Variants in LRP1B observed in about 807,000 individuals in gnomAD.
LRP1B encodes LDL receptor related protein 1B.
In LRP1B, 217 loss-of-function variants were observed where a neutral mutation model predicts 556.6. That is an observed-to-expected ratio of 0.39 (90% CI 0.35 to 0.44). The LOEUF is 0.44. Among genes scored for constraint, LRP1B ranks in the 20% least tolerant of loss-of-function variants. The pLI is 1.00. For missense variants in LRP1B, 5,053 were observed against 5,620.8 expected, an observed-to-expected ratio of 0.90 and a Z score of 3.23; for synonymous variants, 2,047 against 1,865.8, an observed-to-expected ratio of 1.10 and a Z score of -2.50.
chr2:140,458,700 T>C (rs944684492), intron 60 of LRP1B, among the ~76,000 whole-genome samples: 3 of 152,116 alleles, frequency 2.0e-5, no homozygotes, highest in South Asian at 2.1e-4. Context: ...ATATTCCTCA[T>C]TCAGCAGTAA....
chr2:141,582,069 C>A (rs993645991), intron 2 of LRP1B, among the ~76,000 whole-genome samples: 5 of 152,158 alleles, frequency 3.3e-5, no homozygotes, highest in Non-Finnish European at 7.4e-5. Context: ...CTAAGGGAAT[C>A]TCTAAAAATT....
intron 7 of LRP1B, among the ~76,000 whole-genome samples, chr2:141,158,715 C>T (rs1019043036): frequency 6.6e-5 from 10 of 152,116 alleles, no homozygotes; most frequent in African/African-American, 9.7e-5. Context: ...TTTGCACAGT[C>T]GGAATCCTTC....
chr2:141,574,713 T>C (rs575543750), intron 2 of LRP1B, among the ~76,000 whole-genome samples: 36 of 152,136 alleles, frequency 2.4e-4, no homozygotes, highest in African/African-American at 8.4e-4. Flanking sequence ...AACCCCAACA[T>C]CTCAGCCTAA....
intron 18 of LRP1B, among the ~76,000 whole-genome samples, chr2:140,961,980 T>C (rs1409722246): frequency 2.6e-5 from 4 of 152,192 alleles, no homozygotes; most frequent in Non-Finnish European, 2.9e-5. Flanking sequence ...CTATCTACTA[T>C]TGTACTATTA....
At chr2:141,257,236 G>C (rs1346933313) in intron 3 of LRP1B, among the ~76,000 whole-genome samples, 1 of 152,146 alleles carries the variant, frequency 6.6e-6, no homozygotes, top group African/African-American at 2.4e-5. Flanking sequence ...GGAACAGAAA[G>C]AGGAAGCAGG....
In LRP1B at chr2:140,431,546, A is replaced by G. The variant is rs1014660381; in HGVS notation, c.10414+10958T>C. ...TTCTCCAAGCCATCACAGCTGATAT[A>G]TCGTGGTGCTATCCCCAAACTGCCA... On this transcript the variant is annotated intron_variant, in intron 66 of 90. Coordinates refer to ENST00000389484, the MANE Select transcript of LRP1B (RefSeq NM_018557.3). Among the ~76,000 whole-genome samples, 10 of 152,254 alleles carry G rather than the reference A, an allele frequency of 6.6e-5. No individual in the cohort carries two copies. The East Asian group carries it at 1.4e-3, about 21-fold the overall frequency.
chr2:140,565,156 C>A (rs191132653), intron 43 of LRP1B, among the ~76,000 whole-genome samples: 1 of 147,546 alleles, frequency 6.8e-6, no homozygotes, highest in African/African-American at 2.5e-5. Context: ...TTGTTTATTA[C>A]GTAATAATAT....
chr2:141,071,533 G>T (rs954814955), intron 7 of LRP1B, among the ~76,000 whole-genome samples: 4 of 152,126 alleles, frequency 2.6e-5, no homozygotes, highest in African/African-American at 9.7e-5. Context: ...GAAATAAAGG[G>T]TATTCAATTA....
At position 140,616,807 on chromosome 2, in the gene LRP1B, A is replaced by G. The variant is rs1017601484; in HGVS notation, c.6800-15168T>C. 3.9e-5 allele frequency among the ~76,000 whole-genome samples: 6 copies of G among 152,028 alleles called. No individual in the cohort carries two copies. The East Asian group carries it at 9.7e-4, about 24-fold the overall frequency. On this transcript the variant is annotated intron_variant, in intron 41 of 90. Transcript: ENST00000389484. ...TATCTTTAATAGTTTATGGAAAAAA[A>G]TCAATTCTTTTATCCTTTGTTTACA...
At chr2:140,509,322 A>T (rs999032218) in intron 52 of LRP1B, among the ~76,000 whole-genome samples, 13 of 152,100 alleles carry the variant, frequency 8.5e-5, no homozygotes, top group African/African-American at 3.1e-4. Context: ...AATTCATCTA[A>T]ATTTTTACTG....
At position 141,413,969 on chromosome 2, in the gene LRP1B, G is replaced by A. The variant is rs542916297; in HGVS notation, c.343+66427C>T. Among the ~76,000 whole-genome samples, 14 of 151,346 alleles carry A rather than the reference G, an allele frequency of 9.3e-5. No individual in the cohort carries two copies. In the South Asian group the frequency reaches 1.5e-3, roughly 16 times the overall value. On this transcript the variant is annotated intron_variant, in intron 3 of 90. Coordinates refer to ENST00000389484, the MANE Select transcript of LRP1B (RefSeq NM_018557.3). ...AAAGAGGCTGGGCGCAGTGGCTCACGCCTGTAATCCCAGCACTTTGGGAGG... is the reference window on the plus strand; with the variant it reads ...AAAGAGGCTGGGCGCAGTGGCTCACACCTGTAATCCCAGCACTTTGGGAGG...
intron 27 of LRP1B, among the ~76,000 whole-genome samples, chr2:140,862,818 A>G (rs1168941485): frequency 1.3e-5 from 2 of 152,200 alleles, no homozygotes; most frequent in Non-Finnish European, 2.9e-5. Context: ...TGCCCTTGCC[A>G]TTACAGGGAA....
chr2:140,958,921 G>T (rs577959775), intron 18 of LRP1B, among the ~76,000 whole-genome samples: 1 of 151,692 alleles, frequency 6.6e-6, no homozygotes, highest in Admixed American at 6.6e-5. Flanking sequence ...GGTAGAGACA[G>T]AGGAACCAGA....
intron 3 of LRP1B, among the ~76,000 whole-genome samples, chr2:141,333,061 A>G (rs912186148): frequency 3.3e-5 from 5 of 152,116 alleles, no homozygotes; most frequent in African/African-American, 1.2e-4. Context: ...GCCCACAAAT[A>G]TAACATTTTA....
At chr2:140,825,308 C>T (rs1489069409) in intron 31 of LRP1B, among the ~76,000 whole-genome samples, 7 of 152,142 alleles carry the variant, frequency 4.6e-5, no homozygotes, top group African/African-American at 1.7e-4. Flanking sequence ...GGAAATACAG[C>T]TGGAGTGGGA....
intron 18 of LRP1B, among the ~76,000 whole-genome samples, chr2:140,971,850 C>T (rs1462527205): frequency 6.6e-6 from 1 of 152,120 alleles, no homozygotes; most frequent in East Asian, 1.9e-4. Flanking sequence ...AAATTAGAAT[C>T]ACATGAGATT....
At chr2:142,068,169 A>C (rs1705178995) in intron 1 of LRP1B, among the ~76,000 whole-genome samples, 2 of 151,574 alleles carry the variant, frequency 1.3e-5, no homozygotes, top group Admixed American at 1.3e-4. Context: ...TTTGGTCCCC[A>C]TGTAAGTGTT....
intron 7 of LRP1B, among the ~76,000 whole-genome samples, chr2:141,108,702 C>T (rs10205320): frequency 0.27 from 41,691 of 151,836 alleles, 6,222 homozygotes; most frequent in East Asian, 0.64. Context: ...AAACCTAGGT[C>T]AGTCTAATAC....
intron 66 of LRP1B, among the ~76,000 whole-genome samples, chr2:140,387,764 C>T (rs1217809792): frequency 6.6e-6 from 1 of 151,912 alleles, no homozygotes; most frequent in African/African-American, 2.4e-5. Context: ...ATTCTGCACA[C>T]CTCAGTCAAT....
Sources: allele counts gnomAD v4.1 joint callset (sites outside exome capture counted in the v4.1 genomes callset), GRCh38; gene constraint gnomAD v4.1.1; transcripts MANE v1.5; gene names NCBI Gene and HGNC (gene_info 2026-07-23, HGNC 2026-07-21).